The following SSH2 variants were observed in gnomAD, a reference collection of about 807,000 sequenced individuals.
SSH2 encodes protein phosphatase Slingshot homolog 2.
Under a neutral mutation model 135.2 loss-of-function variants are expected in SSH2, and 37 were observed. The observed-to-expected ratio is 0.27, with a 90% CI of 0.21 to 0.36. The LOEUF (loss-of-function observed/expected upper bound fraction) is 0.36, where lower values mean the gene tolerates loss of function less well. SSH2 is among the 10% of genes least tolerant of loss of function. The probability of loss-of-function intolerance (pLI) is 1.00; values close to 1 mark genes in which losing one functional copy is unlikely to be tolerated. For synonymous variants in SSH2, 628 were observed against 646.2 expected (o/e 0.97, Z 0.43); for missense variants, 1,408 against 1,765.3 (o/e 0.80, Z 3.63).
chr17:29,751,134 G>A (rs2040926707), intron 3 of SSH2, among the ~76,000 whole-genome samples: 1 of 152,178 alleles, frequency 6.6e-6, no homozygotes, highest in African/African-American at 2.4e-5. Flanking sequence ...GTACACTGTA[G>A]GCCAGGCGCA....
At position 29,631,879 on chromosome 17, in the gene SSH2, C is replaced by T; in HGVS notation, c.3315G>A (p.Leu1105=). ...QVSLHPQVLP[L]PHSSSPEHNR... Reference sequence around the variant, plus strand: ...TGTGCTCAGGGGAGGAAGAATGAGGCAGAGGTAGCACTTGGGGGTGCAGAG... The same window carrying T: ...TGTGCTCAGGGGAGGAAGAATGAGGTAGAGGTAGCACTTGGGGGTGCAGAG... Residue 1105 remains leucine, a synonymous_variant, in exon 16 of 16, where the codon CTG becomes CTA. Transcript: ENST00000540801. The T allele has an allele frequency of 1.2e-6, 2 of 1,614,186 alleles. No homozygotes were observed. Among genetic ancestry groups the T allele is most frequent in the Non-Finnish European group, 1.7e-6 (2 of 1,180,028 alleles).
rs990459592 is a variant in SSH2 at position 29,761,231 on chromosome 17, C to G, written c.188+32663G>C. On this transcript the variant is annotated intron_variant, in intron 3 of 15. Coordinates refer to ENST00000540801, the MANE Select transcript of SSH2 (RefSeq NM_001282129.2). The stretch of plus-strand genomic sequence containing the variant: ...GTCGGGGCCACCGAGGCTGCAGGTG[C>G]AAGCGAGGGGCGCCTTCCTCTTGCG... 2.9e-5 allele frequency: 38 copies of G among 1,289,686 alleles called. 1 individual carries two copies. The African/African-American group carries it at 5.3e-4, about 18-fold the overall frequency. 79.9% of individuals were successfully genotyped at this position (1,289,686 alleles called of 1,614,324 possible).
intron 4 of SSH2, among the ~76,000 whole-genome samples, chr17:29,696,259 T>A (rs1256312195): frequency 3.4e-5 from 5 of 148,798 alleles, no homozygotes; most frequent in African/African-American, 7.4e-5. Context: ...TCTCAAAAAA[T>A]ATATATATAC....
chr17:29,825,965 A>G (rs1021944598), intron 2 of SSH2, among the ~76,000 whole-genome samples: 2 of 152,262 alleles, frequency 1.3e-5, no homozygotes, highest in Non-Finnish European at 2.9e-5. Flanking sequence ...GAACAAGAAT[A>G]GCTACATATA....
chr17:29,879,513 C>T (rs1599133534), intron 1 of SSH2, among the ~76,000 whole-genome samples: 1 of 152,104 alleles, frequency 6.6e-6, no homozygotes, highest in East Asian at 1.9e-4. Context: ...TCAACATCTC[C>T]GACCAAAGTG....
intron 11 of SSH2, among the ~76,000 whole-genome samples, chr17:29,660,747 T>C (rs1031663858): frequency 2.6e-4 from 39 of 152,102 alleles, no homozygotes; most frequent in African/African-American, 9.4e-4. Context: ...CATGACTTCA[T>C]AGAAATAAAG....
At chr17:29,641,545 T>C (rs2036160218) in intron 14 of SSH2, 1 of 152,192 alleles carries the variant, frequency 6.6e-6, no homozygotes, top group African/African-American at 2.4e-5. Context: ...GGTGATGAGG[T>C]CATTCTGGGA....
chr17:29,778,341 C>G (rs573288488), intron 3 of SSH2, among the ~76,000 whole-genome samples: 2 of 152,190 alleles, frequency 1.3e-5, no homozygotes, highest in Non-Finnish European at 1.5e-5. Flanking sequence ...AATCTATAGT[C>G]ATAAGTCATG....
chr17:29,649,960 C>T (rs950619905), intron 13 of SSH2, among the ~76,000 whole-genome samples: 2 of 152,168 alleles, frequency 1.3e-5, no homozygotes, highest in Non-Finnish European at 2.9e-5. Context: ...TACAAAAGCA[C>T]TTCTCATCTG....
intron 1 of SSH2, among the ~76,000 whole-genome samples, chr17:29,895,282 T>A (rs1264695468): frequency 8.0e-6 from 1 of 124,242 alleles, no homozygotes; most frequent in Non-Finnish European, 1.6e-5. Flanking sequence ...TAAAATATAT[T>A]TTATATATAC....
chr17:29,915,083 A>C (rs1295167858), intron 1 of SSH2, among the ~76,000 whole-genome samples: 1 of 152,194 alleles, frequency 6.6e-6, no homozygotes, highest in Non-Finnish European at 1.5e-5. Context: ...CAAGAAGACA[A>C]ATTAGCATAT....
intron 1 of SSH2, among the ~76,000 whole-genome samples, chr17:29,860,776 C>T (rs554585450): frequency 2.4e-4 from 36 of 150,124 alleles, no homozygotes; most frequent in South Asian, 1.9e-3. Flanking sequence ...GACAGAGTCT[C>T]GCTCTGTCCC....
At chr17:29,832,641 T>C (rs539259291) in intron 2 of SSH2, among the ~76,000 whole-genome samples, 1 of 152,292 alleles carries the variant, frequency 6.6e-6, no homozygotes, top group East Asian at 1.9e-4. Context: ...TCAGAGAAGA[T>C]ACTTGATTTC....
Position 29,632,613 on chromosome 17 carries a change from A to G in SSH2, c.2581T>C (p.Ser861Pro). ...TCCCCTTCTTCCAAGTCTGCTATAG[A>G]TGAGTGTGTGGTTAGGCAGCCTTCT... ...NPEGCLTTHS[S>P]IADLEEGEPA... Residue 861 changes from serine (S) to proline (P), a missense_variant, in exon 16 of 16, where the codon TCT becomes CCT. Around this residue, in one of 3 missense-constraint regions of SSH2, gnomAD observed 1,080 missense variants for 1,144.5 expected, o/e 0.94. Transcript: ENST00000540801. 1 of 1,613,996 alleles carries G rather than the reference A, an allele frequency of 6.2e-7. No homozygotes were observed. The highest frequency in any genetic ancestry group is 8.5e-7 in the Non-Finnish European group (1 of 1,180,014).
intron 1 of SSH2, among the ~76,000 whole-genome samples, chr17:29,849,386 G>C (rs755318993): frequency 7.3e-5 from 11 of 151,724 alleles, no homozygotes; most frequent in Non-Finnish European, 1.3e-4. Context: ...GGCTGAGGCA[G>C]GAGAATGGCG....
chr17:29,908,625 A>G (rs987703534), intron 1 of SSH2, among the ~76,000 whole-genome samples: 49 of 152,040 alleles, frequency 3.2e-4, no homozygotes, highest in African/African-American at 8.7e-4. Context: ...TTAGCTGGGC[A>G]TGGTGATGTG....
intron 3 of SSH2, among the ~76,000 whole-genome samples, chr17:29,713,657 C>T (rs1844927253): frequency 6.6e-6 from 1 of 152,108 alleles, no homozygotes; most frequent in Non-Finnish European, 1.5e-5. Flanking sequence ...AGAACACACC[C>T]TATCCCATTC....
In SSH2 at chr17:29,669,822, A is replaced by G. The variant is rs557907469; in HGVS notation, c.809+2113T>C. Among the ~76,000 whole-genome samples, 809 of 151,902 alleles carry G rather than the reference A, an allele frequency of 5.3e-3. 6 individuals carry two copies. Among genetic ancestry groups the G allele is most frequent in the Non-Finnish European group, 8.3e-3 (564 of 67,970 alleles). On this transcript the variant is annotated intron_variant, in intron 9 of 15. Transcript: ENST00000540801. ...TAGGGATGTAAAGAGAGTAAGAGCA[A>G]TATCTTTCTTCCTCTCTTCTTGTTT... is the stretch of plus-strand genomic sequence containing the variant.
At chr17:29,661,992 T>C (rs1229646762) in intron 11 of SSH2, among the ~76,000 whole-genome samples, 1 of 152,206 alleles carries the variant, frequency 6.6e-6, no homozygotes, top group Non-Finnish European at 1.5e-5. Context: ...GCCATGTATA[T>C]TAGACTTCCG....
Sources: gnomAD v4.1 joint callset for allele counts (sites outside exome capture counted in the v4.1 genomes callset) on GRCh38, gnomAD v4.1.1 for gene constraint, gnomAD v4.1.1 regional missense constraint, MANE v1.5 for transcripts, NCBI Gene and HGNC (gene_info 2026-07-23, HGNC 2026-07-21) for gene names.